MCM9: variants seen among roughly 807,000 people sequenced by gnomAD.
MCM9 encodes DNA helicase MCM9.
A neutral mutation model predicts 72.8 loss-of-function variants in MCM9; 55 were observed. That is an observed-to-expected ratio of 0.76 (90% CI 0.61 to 0.95). The LOEUF is 0.95. Ranked by LOEUF, MCM9 falls within the 40% of genes least tolerant of loss-of-function variation. The probability of loss-of-function intolerance (pLI) is 0.00; values close to 1 mark genes in which losing one functional copy is unlikely to be tolerated. For missense variants in MCM9, 1,279 were observed against 1,377.0 expected (o/e 0.93, Z 1.13); for synonymous variants, 480 against 503.4 (o/e 0.95, Z 0.62).
chr6:118,864,435 G>A lies in MCM9; in HGVS notation c.1151-7890C>T, dbSNP rs1777091802. Reference sequence around the variant, plus strand: ...TAAGAGGTAGTGATGCCAGCAACATGGCAGAACAGGAAGCTCCTGACTCTC... The same window carrying A: ...TAAGAGGTAGTGATGCCAGCAACATAGCAGAACAGGAAGCTCCTGACTCTC... On this transcript the variant is annotated intron_variant, in intron 8 of 13. Transcript: ENST00000619706. Among the ~76,000 whole-genome samples the A allele has an allele frequency of 2.6e-5, 4 of 152,060 alleles. No individual in the cohort carries two copies. In the South Asian group the frequency reaches 8.4e-4, roughly 32 times the overall value.
intron 8 of MCM9, among the ~76,000 whole-genome samples, chr6:118,866,289 A>G (rs757218839): frequency 2.6e-5 from 4 of 152,204 alleles, no homozygotes; most frequent in South Asian, 2.1e-4. Flanking sequence ...ATACACAGAA[A>G]CCAAAATAGA....
chr6:118,894,546 G>A (rs1341863513), intron 8 of MCM9: 3 of 1,522,288 alleles, frequency 2.0e-6, no homozygotes, highest in South Asian at 2.4e-5. Flanking sequence ...CCGTGCGCCC[G>A]GGCTGTCAGT....
intron 9 of MCM9, 28 bp downstream of exon 9, chr6:118,856,343 T>G: frequency 1.3e-6 from 2 of 1,520,284 alleles, no homozygotes; most frequent in Non-Finnish European, 1.8e-6. Flanking sequence ...AATCTCATTA[T>G]TCCCATAGAT....
In MCM9 at chr6:118,814,837, C is replaced by T. The variant is rs542454374; in HGVS notation, c.3419G>A (p.Arg1140Lys). Residue 1140 changes from arginine (R) to lysine (K), a missense_variant, in exon 14 of 14, where the codon AGA (arginine) becomes AAA (lysine). Physicochemically the swap from Arg to Lys is conservative, Grantham distance 26. Transcript: ENST00000619706. Reference protein sequence around the residue: ...AFDCDWDEEMRKKS With the variant: ...AFDCDWDEEMKKKS ...AGCTTTTCCCAACTATGACTTTTTT[C>T]TCATCTCTTCATCCCAGTCACAATC... 4 of 1,496,268 alleles carry T rather than the reference C, an allele frequency of 2.7e-6. No individual in the cohort carries two copies. The highest frequency in any genetic ancestry group is 2.7e-6 in the Non-Finnish European group (3 of 1,121,404). 92.7% of individuals were successfully genotyped at this position (1,496,268 alleles called of 1,614,324 possible). A position where few individuals can be genotyped will look rare whatever the true frequency, so the allele number is the denominator to read the frequency against.
At chr6:118,843,656 G>GTATGTATATATA (rs1171113167) in intron 9 of MCM9, among the ~76,000 whole-genome samples, 1 of 11,944 alleles carries the variant, frequency 8.4e-5, no homozygotes, top group African/African-American at 2.0e-4. Context: ...ATATATATAT[G>GTATGTATATATA]TGTATATATA....
intron 8 of MCM9, among the ~76,000 whole-genome samples, chr6:118,892,169 C>T (rs146734562): frequency 1.3e-5 from 2 of 152,310 alleles, no homozygotes; most frequent in East Asian, 1.9e-4. Flanking sequence ...AAGTGCTCAA[C>T]GACCCTTTAG....
At chr6:118,838,467 T>G (rs1227576816) in intron 9 of MCM9, among the ~76,000 whole-genome samples, 1 of 151,808 alleles carries the variant, frequency 6.6e-6, no homozygotes, top group Non-Finnish European at 1.5e-5. Context: ...CTTTTTTGTA[T>G]TTTTATTAGA....
At chr6:118,913,665 T>C (rs1780719659) in intron 6 of MCM9, among the ~76,000 whole-genome samples, 1 of 152,198 alleles carries the variant, frequency 6.6e-6, no homozygotes, top group South Asian at 2.1e-4. Context: ...AGTGGCGTGA[T>C]CATAGCTCAT....
intron 8 of MCM9, among the ~76,000 whole-genome samples, chr6:118,873,399 T>G (rs1404453880): frequency 6.6e-6 from 1 of 152,008 alleles, no homozygotes; most frequent in Non-Finnish European, 1.5e-5. Flanking sequence ...GACAGGATAA[T>G]GAAGACAAAA....
At chr6:118,877,721 C>T (rs189038559) in intron 8 of MCM9, among the ~76,000 whole-genome samples, 25 of 152,286 alleles carry the variant, frequency 1.6e-4, no homozygotes, top group African/African-American at 5.8e-4. Flanking sequence ...TTGTGACCAT[C>T]TGCACCAGGA....
At chr6:118,931,807 G>A (rs780757226) in intron 2 of MCM9, 69 bp from the exon 3 acceptor site, 8 of 1,220,106 alleles carry the variant, frequency 6.6e-6, no homozygotes, top group South Asian at 3.2e-5. Context: ...TAACAAAAAC[G>A]ATTGGTTATA....
At chr6:118,898,644 C>T (rs1373940576) in intron 8 of MCM9, among the ~76,000 whole-genome samples, 6 of 152,108 alleles carry the variant, frequency 3.9e-5, no homozygotes, top group African/African-American at 1.2e-4. Flanking sequence ...TCTCGAACTC[C>T]TGACCTCAAG....
chr6:118,876,291 A>G (rs1237564216), intron 8 of MCM9, among the ~76,000 whole-genome samples: 3 of 152,214 alleles, frequency 2.0e-5, no homozygotes, highest in Non-Finnish European at 4.4e-5. Flanking sequence ...ACTATTTTGT[A>G]CAATACCATA....
At chr6:118,930,702 A>G (rs1217348652) in intron 3 of MCM9, among the ~76,000 whole-genome samples, 3 of 152,190 alleles carry the variant, frequency 2.0e-5, no homozygotes, top group Non-Finnish European at 4.4e-5. Flanking sequence ...TTTAAATCCA[A>G]TTCTTCTCTT....
intron 8 of MCM9, chr6:118,901,150 C>T (rs1779775397): frequency 3.9e-6 from 1 of 254,260 alleles, no homozygotes; most frequent in Non-Finnish European, 7.5e-6. Context: ...TATCATGGCA[C>T]ACAGGGTGGT....
chr6:118,917,085 T>G (rs1034794328), intron 6 of MCM9, among the ~76,000 whole-genome samples: 1 of 152,234 alleles, frequency 6.6e-6, no homozygotes, highest in Non-Finnish European at 1.5e-5. Context: ...GTCAAAATTT[T>G]TGCTTGTGAT....
intron 5 of MCM9, chr6:118,918,665 C>G (rs1781162792): frequency 6.6e-6 from 1 of 152,204 alleles, no homozygotes; most frequent in Non-Finnish European, 1.5e-5. Flanking sequence ...AAATTTTAAT[C>G]TTGTTGAACA....
intron 9 of MCM9, among the ~76,000 whole-genome samples, chr6:118,849,749 A>G (rs1776106782): frequency 6.6e-6 from 1 of 151,896 alleles, no homozygotes. Flanking sequence ...AGAATACTAC[A>G]TATAATCGTC....
chr6:118,875,692 A>C (rs1583506210), intron 8 of MCM9, among the ~76,000 whole-genome samples: 1 of 151,940 alleles, frequency 6.6e-6, no homozygotes, highest in Non-Finnish European at 1.5e-5. Flanking sequence ...TGACATCTTT[A>C]CACATCTTAG....
Sources: allele counts gnomAD v4.1 joint callset (sites outside exome capture counted in the v4.1 genomes callset), GRCh38; gene constraint gnomAD v4.1.1; transcripts MANE v1.5; gene names NCBI Gene and HGNC (gene_info 2026-07-23, HGNC 2026-07-21).